The following RAB11FIP4 variants were observed in gnomAD, a reference collection of about 807,000 sequenced individuals.
RAB11FIP4 encodes rab11 family-interacting protein 4.
Under a neutral mutation model 74.3 loss-of-function variants are expected in RAB11FIP4, and 23 were observed. That is an observed-to-expected ratio of 0.31 (90% CI 0.22 to 0.44). The LOEUF is 0.44. RAB11FIP4 is among the 20% of genes least tolerant of loss of function. RAB11FIP4 has a pLI of 1.00. For synonymous variants in RAB11FIP4, 360 were observed against 359.9 expected (o/e 1.00, Z 0.00); for missense variants, 630 against 863.9 (o/e 0.73, Z 3.39).
chr17:31,519,590 A>AGAAG (rs143123225), intron 4 of RAB11FIP4, among the ~76,000 whole-genome samples: 2,511 of 152,272 alleles, frequency 0.016, 62 homozygotes, highest in African/African-American at 0.058. Flanking sequence ...GCCCCTTACC[A>AGAAG]GAAGGTGATG....
chr17:31,523,430 A>G (rs1454429683), intron 7 of RAB11FIP4, 82 bp from the exon 8 acceptor site: 2 of 1,099,960 alleles, frequency 1.8e-6, no homozygotes, highest in African/African-American at 3.1e-5. Flanking sequence ...GGGGTACTGG[A>G]TGCTCGCCTA....
chr17:31,500,509 G>C (rs568712173), intron 3 of RAB11FIP4, among the ~76,000 whole-genome samples: 3 of 152,208 alleles, frequency 2.0e-5, no homozygotes, highest in Admixed American at 6.5e-5. Flanking sequence ...AGGATAAAAG[G>C]CTCCTTGTGT....
At chr17:31,479,084 A>C (rs1012852028) in intron 3 of RAB11FIP4, among the ~76,000 whole-genome samples, 1 of 152,212 alleles carries the variant, frequency 6.6e-6, no homozygotes, top group Non-Finnish European at 1.5e-5. Flanking sequence ...CTTGAGCCTC[A>C]GTTTCCTTAT....
rs920841160 is a variant in RAB11FIP4, at chr17:31,504,095, A to G, written c.337-13556A>G. Among the ~76,000 whole-genome samples the G allele has an allele frequency of 2.8e-5, 4 of 144,742 alleles. 1 individual carries two copies. The highest frequency in any genetic ancestry group is 8.2e-5 in the African/African-American group (3 of 36,428). The allele number at this position is 144,742 out of a possible 152,430, so 95.0% of individuals were successfully genotyped here. A position where few individuals can be genotyped will look rare whatever the true frequency, so the allele number is the denominator to read the frequency against. On this transcript the variant is annotated intron_variant, in intron 3 of 14. Transcript: ENST00000621161. ...TAGTTCAGCAAATTTGGGGCAGGCT[A>G]TTTTTTCATGTTTCCATATAATGTT...
chr17:31,426,725 A>G (rs981320687), intron 1 of RAB11FIP4, among the ~76,000 whole-genome samples: 21 of 149,538 alleles, frequency 1.4e-4, no homozygotes, highest in African/African-American at 4.9e-4. Context: ...CGGCCTCCCA[A>G]GTAGCTGGGA....
chr17:31,521,427 G>T (rs1567690415), intron 5 of RAB11FIP4, 67 bp downstream of exon 5: 1 of 1,398,972 alleles, frequency 7.1e-7, no homozygotes, highest in South Asian at 1.4e-5. Flanking sequence ...CACATCCTAG[G>T]GGGTGGGGGG....
chr17:31,460,987 C>A (rs1463180922), intron 3 of RAB11FIP4, among the ~76,000 whole-genome samples: 1 of 151,628 alleles, frequency 6.6e-6, no homozygotes, highest in Non-Finnish European at 1.5e-5. Context: ...ATGTGTCGAG[C>A]CCCCTACCAC....
At position 31,521,510 on chromosome 17, in the gene RAB11FIP4, T is replaced by C. The variant is rs1323001401; in HGVS notation, c.758+150T>C. The C allele has an allele frequency of 5.6e-6, 4 of 711,270 alleles. No individual in the cohort carries two copies. In the Admixed American group the frequency reaches 9.4e-5, roughly 17 times the overall value. The allele number at this position is 711,270 out of a possible 1,614,324, so 44.1% of individuals were successfully genotyped here. ...TTCTGCTCCTGGGGCTTGGGGTTGC[T>C]ACCTTCGCACCCTGATTAGGGGTCA... On this transcript the variant is annotated intron_variant, in intron 5 of 14. Transcript: ENST00000621161.
intron 3 of RAB11FIP4, among the ~76,000 whole-genome samples, chr17:31,451,458 CAAAAAA>C (rs60812825): frequency 1.2e-5 from 1 of 85,980 alleles, no homozygotes; most frequent in South Asian, 4.1e-4. Flanking sequence ...GACTCCATCT[CAAAAAA>C]AAAAAAAAAA....
At chr17:31,453,355 CA>C (rs747844559) in intron 3 of RAB11FIP4, among the ~76,000 whole-genome samples, 2,747 of 71,874 alleles carry the variant, frequency 0.038, 131 homozygotes, top group African/African-American at 0.15. Context: ...GACCCTACCT[CA>C]AAAAAAAAAA....
rs1341215046 is a variant in RAB11FIP4 at position 31,534,095 on chromosome 17, G to A, written c.*2363G>A. 6.6e-6 allele frequency: 1 copy of A among 152,272 alleles called. No individual in the cohort carries two copies. Among genetic ancestry groups the A allele is most frequent in the Non-Finnish European group, 1.5e-5 (1 of 68,064 alleles). The allele number at this position is 152,272 out of a possible 1,614,324, so 9.4% of individuals were successfully genotyped here. Reference sequence around the variant, plus strand: ...TGTCCCAGCTCCACAGCCCCTGGCAGATCCCAGACCCCTTGGTGGCAGGTC... The same window carrying A: ...TGTCCCAGCTCCACAGCCCCTGGCAAATCCCAGACCCCTTGGTGGCAGGTC... On this transcript the variant is annotated 3_prime_UTR_variant, in exon 15 of 15. Coordinates refer to ENST00000621161, the MANE Select transcript of RAB11FIP4 (RefSeq NM_032932.6).
intron 3 of RAB11FIP4, among the ~76,000 whole-genome samples, chr17:31,497,631 C>G (rs1196072243): frequency 6.6e-6 from 1 of 151,980 alleles, no homozygotes; most frequent in Non-Finnish European, 1.5e-5. Context: ...GTGCACATGA[C>G]AAGGCTGCAC....
intron 3 of RAB11FIP4, among the ~76,000 whole-genome samples, chr17:31,505,967 C>T (rs56305044): frequency 0.022 from 3,323 of 150,798 alleles, 110 homozygotes; most frequent in African/African-American, 0.077. Flanking sequence ...TCCCAAAGTG[C>T]TGGCATTACA....
chr17:31,536,401 C>T lies in RAB11FIP4; in HGVS notation c.*4669C>T, dbSNP rs963605728. Reference sequence around the variant, plus strand: ...GGAAAGTTTTGCGTGGTCACCATGCCAAGAAAATGACTTTGGTTGCCCAGC... The same window carrying T: ...GGAAAGTTTTGCGTGGTCACCATGCTAAGAAAATGACTTTGGTTGCCCAGC... On this transcript the variant is annotated 3_prime_UTR_variant, in exon 15 of 15. Coordinates refer to ENST00000621161, the MANE Select transcript of RAB11FIP4 (RefSeq NM_032932.6). 5 of 152,266 alleles carry T rather than the reference C, an allele frequency of 3.3e-5. No homozygotes were observed. The highest frequency in any genetic ancestry group is 1.2e-4 in the African/African-American group (5 of 41,534). 9.4% of individuals were successfully genotyped at this position (152,266 alleles called of 1,614,324 possible).
chr17:31,446,002 C>CT (rs969950481), intron 3 of RAB11FIP4, among the ~76,000 whole-genome samples: 10 of 150,414 alleles, frequency 6.6e-5, no homozygotes, highest in South Asian at 2.1e-4. Flanking sequence ...AGTTCCTTGG[C>CT]TTTTTTTTTC....
At chr17:31,519,244 G>T (rs2072619206) in intron 4 of RAB11FIP4, among the ~76,000 whole-genome samples, 1 of 152,032 alleles carries the variant, frequency 6.6e-6, no homozygotes, top group Non-Finnish European at 1.5e-5. Flanking sequence ...TTGATCTCCT[G>T]ACCTCGTGAT....
At chr17:31,439,727 C>T (rs1196382220) in intron 3 of RAB11FIP4, among the ~76,000 whole-genome samples, 2 of 152,210 alleles carry the variant, frequency 1.3e-5, no homozygotes, top group African/African-American at 2.4e-5. Context: ...CCACCTGCCT[C>T]GGCCCCGCAA....
intron 3 of RAB11FIP4, chr17:31,487,979 C>T: frequency 1.1e-6 from 1 of 952,264 alleles, no homozygotes; most frequent in Non-Finnish European, 1.3e-6. Flanking sequence ...CCCGCCCCGC[C>T]CCGGCGCGAG....
chr17:31,458,226 G>A (rs952149933), intron 3 of RAB11FIP4, among the ~76,000 whole-genome samples: 3 of 152,146 alleles, frequency 2.0e-5, no homozygotes, highest in African/African-American at 7.2e-5. Context: ...GGCTCCTCAG[G>A]TGTCCCAGGC....
Sources: allele counts gnomAD v4.1 joint callset (sites outside exome capture counted in the v4.1 genomes callset), GRCh38; gene constraint gnomAD v4.1.1; transcripts MANE v1.5; gene names NCBI Gene and HGNC (gene_info 2026-07-23, HGNC 2026-07-21).